Variants in GCNT1 observed in about 807,000 individuals in gnomAD.
GCNT1 encodes the protein beta-1,3-galactosyl-O-glycosyl-glycoprotein beta-1,6-N-acetylglucosaminyltransferase.
A neutral mutation model predicts 26.2 loss-of-function variants in GCNT1; 16 were observed. The observed-to-expected ratio is 0.61, with a 90% CI of 0.41 to 0.93. The LOEUF is 0.93. GCNT1 is among the 40% of genes least tolerant of loss of function. The probability of loss-of-function intolerance (pLI) is 0.00; values close to 1 mark genes in which losing one functional copy is unlikely to be tolerated. For missense variants in GCNT1, 477 were observed against 526.7 expected, an observed-to-expected ratio of 0.91 and a Z score of 0.92; for synonymous variants, 183 against 190.8, an observed-to-expected ratio of 0.96 and a Z score of 0.34.
In GCNT1 at chr9:76,503,475, A is replaced by G. The variant is rs1309655190; in HGVS notation, c.1094A>G (p.Lys365Arg). Residue 365 changes from lysine (K) to arginine (R), a missense_variant, in exon 4 of 4, where the codon AAG becomes AGG. Physicochemically the swap from Lys to Arg is conservative, Grantham distance 26. Transcript: ENST00000376730. ...CAGTACTTTGAGGGTGATGTTTCCA[A>G]GGGTGCTCCCTACCCGCCCTGCGAT... ...KWQYFEGDVS[K>R]GAPYPPCDGV... 6.2e-7 allele frequency: 1 copy of G among 1,614,008 alleles called. No individual in the cohort carries two copies. The highest frequency in any genetic ancestry group is 8.5e-7 in the Non-Finnish European group (1 of 1,180,018).
chr9:76,442,636 A>G (rs1288417951), intron 1 of GCNT1, among the ~76,000 whole-genome samples: 1 of 152,150 alleles, frequency 6.6e-6, no homozygotes, highest in Non-Finnish European at 1.5e-5. Context: ...AGCCAAGATC[A>G]TGCCACCGCA....
chr9:76,394,305 T>A, the GCNT1 span: 3 of 801,708 alleles, frequency 3.7e-6, no homozygotes, highest in Non-Finnish European at 5.6e-6. Flanking sequence ...GGCGCACCAG[T>A]GGCCGGACGA....
intron 1 of GCNT1, among the ~76,000 whole-genome samples, chr9:76,447,203 G>T (rs1280174827): frequency 1.3e-5 from 2 of 148,274 alleles, no homozygotes; most frequent in Non-Finnish European, 3.0e-5. Flanking sequence ...ATGGTATGTG[G>T]ATATTGCTGA....
rs142026687 is a variant in GCNT1, at chr9:76,429,275, T to C, written n.38+9388T>C. Among the ~76,000 whole-genome samples, 635 of 152,332 alleles carry C rather than the reference T, an allele frequency of 4.2e-3. 6 individuals are homozygous for C. The highest frequency in any genetic ancestry group is 4.3e-3 in the Non-Finnish European group (291 of 68,032). Reference sequence around the variant, plus strand: ...CACAAGGTTGCCATGAGCATTCTTGTACCTATTTCCTTGGGCACATGTGTG... The same window carrying C: ...CACAAGGTTGCCATGAGCATTCTTGCACCTATTTCCTTGGGCACATGTGTG... On this transcript the variant is annotated intron_variant and non_coding_transcript_variant, in intron 1 of 3. Transcript: ENST00000488136.
In GCNT1 at chr9:76,428,292, T is replaced by TAAAAAAAAAAAAAAAAAAAA. The variant is rs1279001629; in HGVS notation, n.38+8416_38+8417insAAAAAAAAAAAAAAAAAAAA. 1.9e-3 allele frequency among the ~76,000 whole-genome samples: 167 copies of TAAAAAAAAAAAAAAAAAAAA among 85,892 alleles called. 9 individuals carry two copies. Among genetic ancestry groups the TAAAAAAAAAAAAAAAAAAAA allele is most frequent in the Middle Eastern group, 7.7e-3 (1 of 130 alleles). The allele number at this position is 85,892 out of a possible 152,430, so 56.3% of individuals were successfully genotyped here. A position where few individuals can be genotyped will look rare whatever the true frequency, so the allele number is the denominator to read the frequency against. ...AAAAAAAAAAAAAAAAAAAAAAACT[T>TAAAAAAAAAAAAAAAAAAAA]AAAAAAAAAAAGAGAGAGAGAAATG... On this transcript the variant is annotated intron_variant and non_coding_transcript_variant, in intron 1 of 3. Coordinates refer to the GCNT1 transcript ENST00000488136.
chr9:76,465,495 G>A (rs931856112), intron 2 of GCNT1, among the ~76,000 whole-genome samples: 21 of 152,302 alleles, frequency 1.4e-4, no homozygotes, highest in African/African-American at 4.8e-4. Flanking sequence ...CTGCTGGCAC[G>A]TTTGGTGTCT....
chr9:76,443,059 C>G (rs1409052160), intron 1 of GCNT1, among the ~76,000 whole-genome samples: 2 of 152,016 alleles, frequency 1.3e-5, no homozygotes, highest in Non-Finnish European at 2.9e-5. Flanking sequence ...GGATCCTAAT[C>G]TGGATATATT....
intron 1 of GCNT1, among the ~76,000 whole-genome samples, chr9:76,453,232 T>G (rs1823702604): frequency 6.6e-6 from 1 of 152,122 alleles, no homozygotes; most frequent in Non-Finnish European, 1.5e-5. Flanking sequence ...GGAGGCCTAA[T>G]CTTGAGTGAC....
At chr9:76,434,211 C>T (rs188247699) in intron 1 of GCNT1, among the ~76,000 whole-genome samples, 8 of 152,260 alleles carry the variant, frequency 5.3e-5, no homozygotes, top group East Asian at 3.9e-4. Context: ...GGTCTTGGAA[C>T]GTATCTCCTG....
chr9:76,455,515 G>A (rs756134746), upstream of GCNT1, among the ~76,000 whole-genome samples: 11 of 152,174 alleles, frequency 7.2e-5, no homozygotes, highest in Non-Finnish European at 1.2e-4. Flanking sequence ...AGAAAATACA[G>A]CCGGGAGAGG....
At position 76,504,788 on chromosome 9, in the gene GCNT1, C is replaced by T. The variant is rs770422124; in HGVS notation, c.*1120C>T. ...ACTTGGCCCTGTTCTTGGGTCTTCC[C>T]GTTACCTGCCCCCTGGGTGGTAAGT... On this transcript the variant is annotated 3_prime_UTR_variant, in exon 4 of 4. Coordinates refer to ENST00000376730, the MANE Select transcript of GCNT1 (RefSeq NM_001490.5). 18 of 413,374 alleles carry T rather than the reference C, an allele frequency of 4.4e-5. No homozygotes were observed. Among genetic ancestry groups the T allele is most frequent in the African/African-American group, 1.2e-4 (6 of 48,628 alleles). The allele number at this position is 413,374 out of a possible 1,614,324, so 25.6% of individuals were successfully genotyped here. A position where few individuals can be genotyped will look rare whatever the true frequency, so the allele number is the denominator to read the frequency against.
chr9:76,414,564 G>T, the GCNT1 span, among the ~76,000 whole-genome samples: 4 of 152,184 alleles, frequency 2.6e-5, no homozygotes, highest in Non-Finnish European at 4.4e-5. Context: ...TTGATTAGAT[G>T]ATAAACAAGG....
At chr9:76,451,178 C>T (rs1823659261) in intron 1 of GCNT1, among the ~76,000 whole-genome samples, 1 of 152,120 alleles carries the variant, frequency 6.6e-6, no homozygotes, top group Non-Finnish European at 1.5e-5. Flanking sequence ...ATTTCTAAAA[C>T]AATTCAAAAC....
chr9:76,503,127 C>G lies in GCNT1; in HGVS notation c.746C>G (p.Ser249Cys). 6.2e-7 allele frequency: 1 copy of G among 1,614,044 alleles called. No individual in the cohort carries two copies. The change falls in exon 4 of 4, where the codon TCC becomes TGC. Residue 249 changes from serine (S) to cysteine (C), a missense_variant. Physicochemically the swap from Ser to Cys is moderately radical, Grantham distance 112 (BLOSUM62 -1). Transcript: ENST00000376730. ...ENNLETERMP[S>C]HKEERWKKRY... ...AACCTGGAAACGGAGAGGATGCCAT[C>G]CCATAAAGAAGAAAGGTGGAAGAAG...
chr9:76,425,299 T>G (rs1823245513), intron 1 of GCNT1, among the ~76,000 whole-genome samples: 1 of 152,014 alleles, frequency 6.6e-6, no homozygotes, highest in African/African-American at 2.4e-5. Context: ...CTTGGCTCAC[T>G]GCAACCTCCG....
At chr9:76,472,208 G>A (rs1158435643) in intron 2 of GCNT1, among the ~76,000 whole-genome samples, 5 of 152,160 alleles carry the variant, frequency 3.3e-5, no homozygotes, top group Non-Finnish European at 7.3e-5. Context: ...ACCCGAACCC[G>A]GGAGGCGGAG....
chr9:76,395,771 A>G, the GCNT1 span, among the ~76,000 whole-genome samples: 1 of 152,238 alleles, frequency 6.6e-6, no homozygotes, highest in Non-Finnish European at 1.5e-5. Context: ...TAATACCGGT[A>G]GTAAGAGTAG....
At chr9:76,493,520 G>A (rs1349762062) in intron 2 of GCNT1, among the ~76,000 whole-genome samples, 1 of 152,186 alleles carries the variant, frequency 6.6e-6, no homozygotes, top group African/African-American at 2.4e-5. Context: ...GTCAGAGAGG[G>A]AGAAGGGGAC....
chr9:76,439,306 C>T (rs1186786282), upstream of GCNT1, among the ~76,000 whole-genome samples: 1 of 146,926 alleles, frequency 6.8e-6, no homozygotes, highest in Non-Finnish European at 1.5e-5. Context: ...CTCACTGCAA[C>T]CTCTGCCTCC....
Sources: gnomAD v4.1 joint callset for allele counts (sites outside exome capture counted in the v4.1 genomes callset) on GRCh38, gnomAD v4.1.1 for gene constraint, MANE v1.5 for transcripts, NCBI Gene and HGNC (gene_info 2026-07-23, HGNC 2026-07-21) for gene names.